The following KIAA2012 variants were observed in gnomAD, a reference collection of about 807,000 sequenced individuals.
KIAA2012 encodes uncharacterized protein KIAA2012.
Under a neutral mutation model 150.6 loss-of-function variants are expected in KIAA2012, and 125 were observed. That is an observed-to-expected ratio of 0.83 (90% CI 0.72 to 0.96). The LOEUF is 0.96. Among genes scored for constraint, KIAA2012 ranks in the 40% least tolerant of loss-of-function variants. The probability of loss-of-function intolerance (pLI) is 0.00; values close to 1 mark genes in which losing one functional copy is unlikely to be tolerated. For synonymous variants in KIAA2012, 462 were observed against 504.7 expected (o/e 0.92, Z 1.13); for missense variants, 1,219 against 1,354.9 (o/e 0.90, Z 1.57).
chr2:202,130,097 A>G (rs777449140), intron 12 of KIAA2012, among the ~76,000 whole-genome samples: 30 of 152,232 alleles, frequency 2.0e-4, no homozygotes, highest in African/African-American at 6.8e-4. Context: ...CCTAAAAAAA[A>G]GCTGACTGCT....
At chr2:202,109,489 A>G in intron 9 of KIAA2012, 124 bp from the exon 10 acceptor site, 1 of 764,094 alleles carries the variant, frequency 1.3e-6, no homozygotes, top group Non-Finnish European at 2.0e-6. Context: ...GCCACAATAC[A>G]ATTACCAGTT....
At chr2:202,109,907 T>C in intron 10 of KIAA2012, 118 bp downstream of exon 10, 1 of 854,656 alleles carries the variant, frequency 1.2e-6, no homozygotes, top group Non-Finnish European at 1.7e-6. Flanking sequence ...AAAGGGGTAA[T>C]TGACACTGTT....
At position 202,193,335 on chromosome 2, in the gene KIAA2012, C is replaced by T. The variant is rs1425993523; in HGVS notation, c.2846C>T (p.Ser949Phe). 1 of 1,549,822 alleles carries T rather than the reference C, an allele frequency of 6.5e-7. No individual in the cohort carries two copies. Among genetic ancestry groups the T allele is most frequent in the African/African-American group, 1.4e-5 (1 of 72,986 alleles). Residue 949 changes from serine to phenylalanine, a missense_variant, in exon 20 of 24, where the codon TCC (serine) becomes TTC (phenylalanine). By Grantham distance (155) the Ser-to-Phe change is radical (BLOSUM62 -2). Transcript: ENST00000498697. Reference sequence around the variant, plus strand: ...ACTAAGAGGGAGCAGGAGAAGGCTTCCTGGGACAGGCTTCGAGCAGAAAGA... The same window carrying T: ...ACTAAGAGGGAGCAGGAGAAGGCTTTCTGGGACAGGCTTCGAGCAGAAAGA... ...LLTKREQEKA[S>F]WDRLRAERAE...
intron 23 of KIAA2012, among the ~76,000 whole-genome samples, chr2:202,203,551 C>T (rs952271310): frequency 6.6e-6 from 1 of 152,184 alleles, no homozygotes; most frequent in Non-Finnish European, 1.5e-5. Context: ...TCAGCCACAA[C>T]ACCCCCATTT....
chr2:202,074,461 A>C (rs1689277120), intron 1 of KIAA2012, among the ~76,000 whole-genome samples: 1 of 152,228 alleles, frequency 6.6e-6, no homozygotes, highest in Admixed American at 6.5e-5. Flanking sequence ...AGCATCTGGA[A>C]TGTATAGAAA....
intron 11 of KIAA2012, 29 bp downstream of exon 11, chr2:202,113,475 G>GC (rs748616650): frequency 3.7e-5 from 43 of 1,150,306 alleles, no homozygotes; most frequent in Non-Finnish European, 5.0e-5. Context: ...GGGCAGCCTT[G>GC]TTTTTTTTTT....
rs150874832 is a variant in KIAA2012 at position 202,085,724 on chromosome 2, A to C, written c.370-5046A>C. Reference sequence around the variant, plus strand: ...TTGTTAACAGCAGCAATAGGAAATGAATACACCAAGATCAGCTTCCAAATC... The same window carrying C: ...TTGTTAACAGCAGCAATAGGAAATGCATACACCAAGATCAGCTTCCAAATC... On this transcript the variant is annotated intron_variant, in intron 2 of 23. Transcript: ENST00000498697. 2.6e-3 allele frequency among the ~76,000 whole-genome samples: 394 copies of C among 152,338 alleles called. 3 individuals carry two copies. Among genetic ancestry groups the C allele is most frequent in the African/African-American group, 8.0e-3 (331 of 41,568 alleles).
At chr2:202,132,740 TATATATAGTATATATGTATATATATAC>T (rs1430423338) in intron 12 of KIAA2012, among the ~76,000 whole-genome samples, 1 of 95,628 alleles carries the variant, frequency 1.0e-5, no homozygotes, top group Non-Finnish European at 2.0e-5. Context: ...TATATATGTA[TATATATAGTATATATGTATATATATAC>T]ATATATACAT....
intron 14 of KIAA2012, among the ~76,000 whole-genome samples, chr2:202,156,514 C>T (rs1373121505): frequency 6.6e-6 from 1 of 152,154 alleles, no homozygotes; most frequent in Non-Finnish European, 1.5e-5. Context: ...GATCCCTACC[C>T]TGCTCCAGGA....
chr2:202,085,888 G>A (rs1689556271), intron 2 of KIAA2012, among the ~76,000 whole-genome samples: 1 of 152,104 alleles, frequency 6.6e-6, no homozygotes, highest in South Asian at 2.1e-4. Context: ...GCCCACTAAT[G>A]GCCAGGCGCA....
chr2:202,202,398 A>G (rs1247739814), intron 22 of KIAA2012, 31 bp from the exon 23 acceptor site: 2 of 399,946 alleles, frequency 5.0e-6, no homozygotes, highest in Non-Finnish European at 8.8e-6. Context: ...TTTAATCATT[A>G]TTGGAATTGG....
At chr2:202,133,130 A>ATATTTTTTTTTTTTTTTT (rs1279080237) in intron 12 of KIAA2012, among the ~76,000 whole-genome samples, 2 of 67,776 alleles carry the variant, frequency 3.0e-5, no homozygotes, top group Non-Finnish European at 5.8e-5. Context: ...ATATATATAT[A>ATATTTTTTTTTTTTTTTT]TTTTTTTTTT....
chr2:202,105,201 TGAAG>T (rs924679473), intron 8 of KIAA2012, among the ~76,000 whole-genome samples: 11 of 111,384 alleles, frequency 9.9e-5, no homozygotes, highest in Admixed American at 5.5e-4. Flanking sequence ...AGGGAAGAAA[TGAAG>T]GAAGGAAGGG....
chr2:202,123,227 C>G (rs1690698609), intron 11 of KIAA2012, among the ~76,000 whole-genome samples: 1 of 152,210 alleles, frequency 6.6e-6, no homozygotes, highest in African/African-American at 2.4e-5. Context: ...CCTCCGCCCT[C>G]TCGCCTGACA....
intron 2 of KIAA2012, among the ~76,000 whole-genome samples, chr2:202,087,510 CAAAAA>C (rs59728832): frequency 3.8e-5 from 2 of 52,522 alleles, no homozygotes; most frequent in Non-Finnish European, 6.5e-5. Flanking sequence ...GAAACCATCT[CAAAAA>C]AAAAAAAAAA....
At chr2:202,143,348 A>G (rs939364845) in intron 13 of KIAA2012, among the ~76,000 whole-genome samples, 7 of 152,020 alleles carry the variant, frequency 4.6e-5, no homozygotes, top group African/African-American at 1.7e-4. Context: ...GGCCTCCCAA[A>G]GTGCTAGGAT....
At chr2:202,135,946 A>T (rs1691047687) in intron 12 of KIAA2012, 1 of 235,620 alleles carries the variant, frequency 4.2e-6, no homozygotes, top group Non-Finnish European at 9.1e-6. Flanking sequence ...AGCCAATTGA[A>T]TGAAAATGCT....
chr2:202,158,151 T>G (rs566711088), intron 14 of KIAA2012, among the ~76,000 whole-genome samples: 1 of 152,106 alleles, frequency 6.6e-6, no homozygotes. Context: ...CCCGCCACCA[T>G]GCCAGGCTAA....
chr2:202,194,876 C>A (rs566080682), intron 21 of KIAA2012, among the ~76,000 whole-genome samples: 1 of 152,222 alleles, frequency 6.6e-6, no homozygotes, highest in South Asian at 2.1e-4. Context: ...TCAAGCAGTT[C>A]TCCTGCCTCA....
Sources: allele counts gnomAD v4.1 joint callset (sites outside exome capture counted in the v4.1 genomes callset), GRCh38; gene constraint gnomAD v4.1.1; transcripts MANE v1.5; gene names NCBI Gene and HGNC (gene_info 2026-07-23, HGNC 2026-07-21).